The following MYO3B variants were observed in gnomAD, a reference collection of about 807,000 sequenced individuals.
MYO3B encodes the protein myosin IIIB.
In MYO3B, 156 loss-of-function variants were observed where a neutral mutation model predicts 174.6. That is an observed-to-expected ratio of 0.89 (90% CI 0.78 to 1.02). The LOEUF is 1.02. MYO3B is among the 50% of genes least tolerant of loss of function. The probability of loss-of-function intolerance (pLI) is 0.00; values close to 1 mark genes in which losing one functional copy is unlikely to be tolerated. For missense variants in MYO3B, 1,632 were observed against 1,639.4 expected, an observed-to-expected ratio of 1.00 and a Z score of 0.08; for synonymous variants, 563 against 569.1, an observed-to-expected ratio of 0.99 and a Z score of 0.15.
chr2:170,196,310 T>A (rs574091406), intron 1 of MYO3B, among the ~76,000 whole-genome samples: 11 of 152,104 alleles, frequency 7.2e-5, no homozygotes, highest in Non-Finnish European at 1.2e-4. Flanking sequence ...AGTTTGAGAC[T>A]AGCGTGGGCA....
At chr2:170,472,659 A>G (rs1036720727) in intron 25 of MYO3B, among the ~76,000 whole-genome samples, 21 of 149,630 alleles carry the variant, frequency 1.4e-4, no homozygotes, top group African/African-American at 4.9e-4. Context: ...GATATTTTTC[A>G]GCTCACTTTT....
chr2:170,274,467 C>T (rs1386062832), intron 7 of MYO3B, among the ~76,000 whole-genome samples: 1 of 152,136 alleles, frequency 6.6e-6, no homozygotes, highest in Non-Finnish European at 1.5e-5. Context: ...GTTCTCAGTT[C>T]CACATAGCAA....
chr2:170,427,452 G>A (rs1310355716), intron 22 of MYO3B, among the ~76,000 whole-genome samples: 6 of 152,210 alleles, frequency 3.9e-5, no homozygotes, highest in African/African-American at 1.4e-4. Flanking sequence ...TTAACACCAT[G>A]AAACATATAA....
At chr2:170,234,347 G>A (rs1279897257) in intron 6 of MYO3B, among the ~76,000 whole-genome samples, 3 of 152,190 alleles carry the variant, frequency 2.0e-5, no homozygotes, top group Non-Finnish European at 2.9e-5. Flanking sequence ...GGCATCTGGT[G>A]TGGGCCTTCA....
chr2:170,408,264 G>A (rs1046819957), intron 22 of MYO3B, among the ~76,000 whole-genome samples: 3 of 152,064 alleles, frequency 2.0e-5, no homozygotes, highest in Non-Finnish European at 2.9e-5. Context: ...CAGAGTTCAG[G>A]GGATCCTCAA....
At chr2:170,585,333 A>G (rs1454551800) in intron 32 of MYO3B, among the ~76,000 whole-genome samples, 1 of 152,090 alleles carries the variant, frequency 6.6e-6, no homozygotes, top group African/African-American at 2.4e-5. Flanking sequence ...GAGTTTCAGG[A>G]GTCACTTGAG....
intron 9 of MYO3B, among the ~76,000 whole-genome samples, chr2:170,377,499 T>G (rs1370799332): frequency 1.3e-5 from 2 of 152,184 alleles, no homozygotes; most frequent in African/African-American, 2.4e-5. Context: ...TGGTACAGAC[T>G]TGCCCTCATT....
At chr2:170,413,817 A>C (rs113675976) in intron 22 of MYO3B, among the ~76,000 whole-genome samples, 2 of 152,030 alleles carry the variant, frequency 1.3e-5, no homozygotes, top group African/African-American at 4.8e-5. Context: ...AGGCGGGTGG[A>C]TCACGAGGTC....
intron 25 of MYO3B, among the ~76,000 whole-genome samples, chr2:170,479,973 G>GTATATA (rs1274766276): frequency 5.5e-5 from 8 of 146,642 alleles, no homozygotes; most frequent in Non-Finnish European, 1.0e-4. Flanking sequence ...ATATGTATAT[G>GTATATA]TATATATATT....
intron 22 of MYO3B, among the ~76,000 whole-genome samples, chr2:170,437,848 G>A (rs1331919004): frequency 2.0e-5 from 3 of 151,914 alleles, no homozygotes; most frequent in South Asian, 2.1e-4. Flanking sequence ...CTTCTTTCTC[G>A]GGAAAACTTC....
chr2:170,481,076 G>A (rs993904650), intron 25 of MYO3B, among the ~76,000 whole-genome samples: 3 of 152,152 alleles, frequency 2.0e-5, no homozygotes, highest in Non-Finnish European at 4.4e-5. Context: ...TCTCGAGAAA[G>A]GCTGAATGTC....
At chr2:170,511,891 A>G (rs772840533) in intron 28 of MYO3B, among the ~76,000 whole-genome samples, 8 of 152,218 alleles carry the variant, frequency 5.3e-5, no homozygotes, top group Admixed American at 2.6e-4. Context: ...CAGGCAGGAC[A>G]TAAATTTTAA....
chr2:170,434,483 G>A (rs1197221053), intron 22 of MYO3B, among the ~76,000 whole-genome samples: 1 of 152,190 alleles, frequency 6.6e-6, no homozygotes, highest in Non-Finnish European at 1.5e-5. Context: ...CCCTGCTGCT[G>A]TGTCATTCCC....
chr2:170,643,152 T>G (rs1698107811), intron 32 of MYO3B, among the ~76,000 whole-genome samples: 1 of 152,232 alleles, frequency 6.6e-6, no homozygotes, highest in Non-Finnish European at 1.5e-5. Flanking sequence ...GAATTCTCAT[T>G]TGGGCTTTGC....
At chr2:170,442,821 A>G (rs2094811718) in intron 22 of MYO3B, among the ~76,000 whole-genome samples, 1 of 152,190 alleles carries the variant, frequency 6.6e-6, no homozygotes, top group Admixed American at 6.5e-5. Context: ...GTCACTACAA[A>G]GGACATGAAC....
In MYO3B at chr2:170,401,590, T is replaced by C. The variant is rs2094476228; in HGVS notation, c.2028T>C (p.Ala676=). ...TIIRANTVDR[A]ADVRDAMSKA... ...TCCGTGCCAACACTGTAGACAGGGC[T>C]GCGGACGTTCGAGACGCCATGTCCA... The change falls in exon 18 of 35, where the codon GCT becomes GCC. Residue 676 remains alanine (A), a synonymous_variant. Transcript: ENST00000408978. The C allele has an allele frequency of 6.2e-7, 1 of 1,614,058 alleles. No individual in the cohort carries two copies. Among genetic ancestry groups the C allele is most frequent in the Admixed American group, 1.7e-5 (1 of 60,002 alleles).
At chr2:170,342,906 T>C (rs916860853) in intron 8 of MYO3B, among the ~76,000 whole-genome samples, 4 of 152,154 alleles carry the variant, frequency 2.6e-5, no homozygotes, top group African/African-American at 9.7e-5. Context: ...GCTGCTATTC[T>C]GAAACTGTGT....
chr2:170,505,393 A>G (rs983353338), intron 28 of MYO3B, among the ~76,000 whole-genome samples: 2 of 152,244 alleles, frequency 1.3e-5, no homozygotes, highest in African/African-American at 4.8e-5. Context: ...TAAATGCCAA[A>G]TAATTAAAAT....
At chr2:170,405,790 C>T (rs573158993) in intron 21 of MYO3B, among the ~76,000 whole-genome samples, 157 bp downstream of exon 21, 63 of 152,272 alleles carry the variant, frequency 4.1e-4, no homozygotes, top group African/African-American at 1.5e-3. Context: ...CTCAGTGGTG[C>T]CACTCACAGA....
Sources: allele counts gnomAD v4.1 joint callset (sites outside exome capture counted in the v4.1 genomes callset), GRCh38; gene constraint gnomAD v4.1.1; transcripts MANE v1.5; gene names NCBI Gene and HGNC (gene_info 2026-07-23, HGNC 2026-07-21).